Variants in CSMD3 observed in about 807,000 individuals in gnomAD.
CSMD3 encodes the protein CUB and Sushi multiple domains 3.
CSMD3 carries 177 observed loss-of-function variants against 435.2 expected under a neutral mutation model. The observed-to-expected ratio is 0.41, with a 90% CI of 0.36 to 0.46. The LOEUF (loss-of-function observed/expected upper bound fraction) is 0.46. Ranked by LOEUF, CSMD3 falls within the 20% of genes least tolerant of loss-of-function variation. CSMD3 has a pLI of 0.34. For missense variants in CSMD3, 4,265 were observed against 4,504.6 expected (o/e 0.95, Z 1.52); for synonymous variants, 1,656 against 1,520.5 (o/e 1.09, Z -2.07).
chr8:112,896,796 C>A (rs953635907), intron 10 of CSMD3, among the ~76,000 whole-genome samples: 2 of 151,558 alleles, frequency 1.3e-5, no homozygotes, highest in East Asian at 3.9e-4. Flanking sequence ...AAATGCAAAT[C>A]TGAATATATA....
intron 3 of CSMD3, among the ~76,000 whole-genome samples, chr8:113,206,840 C>A (rs538437075): frequency 6.6e-6 from 1 of 152,150 alleles, no homozygotes; most frequent in South Asian, 2.1e-4. Flanking sequence ...CACACCTTTT[C>A]TTTTCACTAA....
intron 3 of CSMD3, among the ~76,000 whole-genome samples, chr8:113,214,531 T>C (rs2092878530): frequency 6.6e-6 from 1 of 151,954 alleles, no homozygotes; most frequent in African/African-American, 2.4e-5. Context: ...TCTTTTGAGT[T>C]ATCTGTCTTC....
intron 13 of CSMD3, among the ~76,000 whole-genome samples, chr8:112,768,273 A>C (rs975622381): frequency 6.6e-6 from 1 of 151,870 alleles, no homozygotes; most frequent in Non-Finnish European, 1.5e-5. Context: ...GCAGGCAACG[A>C]ATGGCACAGA....
At chr8:112,376,006 A>G (rs1379469875) in intron 38 of CSMD3, among the ~76,000 whole-genome samples, 1 of 152,142 alleles carries the variant, frequency 6.6e-6, no homozygotes, top group Non-Finnish European at 1.5e-5. Flanking sequence ...CTGTCTGAAC[A>G]TGAAGTTTCC....
At chr8:113,385,620 A>T (rs2094436139) in intron 1 of CSMD3, among the ~76,000 whole-genome samples, 1 of 152,092 alleles carries the variant, frequency 6.6e-6, no homozygotes, top group Admixed American at 6.6e-5. Context: ...TGTCAAATAT[A>T]AGTCTGCACC....
At chr8:112,574,697 A>G (rs542987562) in intron 23 of CSMD3, among the ~76,000 whole-genome samples, 1 of 152,116 alleles carries the variant, frequency 6.6e-6, no homozygotes, top group East Asian at 1.9e-4. Context: ...TATTTTAGGT[A>G]TCACAATGAT....
chr8:112,927,607 T>C (rs1248791581), intron 9 of CSMD3, among the ~76,000 whole-genome samples: 1 of 152,140 alleles, frequency 6.6e-6, no homozygotes, highest in Non-Finnish European at 1.5e-5. Flanking sequence ...TACTTTACTT[T>C]CAAAATATTT....
At chr8:113,376,789 T>A in intron 1 of CSMD3, 1 of 1,613,862 alleles carries the variant, frequency 6.2e-7, no homozygotes, top group Non-Finnish European at 8.5e-7. Flanking sequence ...AGGAACCAAC[T>A]CCACATTCAA....
At chr8:113,332,795 A>C (rs1417636174) in intron 1 of CSMD3, among the ~76,000 whole-genome samples, 2 of 151,708 alleles carry the variant, frequency 1.3e-5, no homozygotes, top group Non-Finnish European at 3.0e-5. Flanking sequence ...ATTTATATTA[A>C]CATATATGAT....
At chr8:112,301,700 A>T (rs1820938671) in intron 53 of CSMD3, 93 bp downstream of exon 53, 1 of 902,910 alleles carries the variant, frequency 1.1e-6, no homozygotes, top group South Asian at 1.4e-5. Flanking sequence ...GAATGAATAT[A>T]AATTAGTATC....
chr8:112,342,307 T>C (rs192736778), intron 41 of CSMD3, among the ~76,000 whole-genome samples: 131 of 152,202 alleles, frequency 8.6e-4, no homozygotes, highest in Non-Finnish European at 1.2e-3. Flanking sequence ...CTCAATATCT[T>C]TATAAGCATA....
Position 113,426,774 on chromosome 8 carries a change from T to C in CSMD3, c.178+9903A>G, listed in dbSNP as rs147332504. 3.5e-3 allele frequency among the ~76,000 whole-genome samples: 526 copies of C among 151,566 alleles called. 2 individuals are homozygous for C. The highest frequency in any genetic ancestry group is 0.012 in the African/African-American group (509 of 41,524). The stretch of plus-strand genomic sequence containing the variant: ...AACAACAATTGGATGCATTCTAAAA[T>C]GGAAAACCTGGCTGATGGCTGATCA... On this transcript the variant is annotated intron_variant, in intron 1 of 70. Coordinates refer to ENST00000297405, the MANE Select transcript of CSMD3 (RefSeq NM_198123.2).
chr8:112,239,547 C>G (rs926328400), intron 66 of CSMD3, among the ~76,000 whole-genome samples: 1 of 151,894 alleles, frequency 6.6e-6, no homozygotes, highest in African/African-American at 2.4e-5. Flanking sequence ...GTGGAACTTA[C>G]CAGTAGGGCC....
chr8:112,413,813 T>C (rs1291787813), intron 32 of CSMD3, among the ~76,000 whole-genome samples: 2 of 152,238 alleles, frequency 1.3e-5, no homozygotes. Flanking sequence ...CAGGCTCTTC[T>C]GAATCCTCTT....
At chr8:113,039,125 T>C (rs530965254) in intron 5 of CSMD3, among the ~76,000 whole-genome samples, 1 of 152,258 alleles carries the variant, frequency 6.6e-6, no homozygotes, top group South Asian at 2.1e-4. Flanking sequence ...ACAAAATCCA[T>C]GGTATATAAC....
At chr8:112,248,275 G>T (rs1814943820) in intron 63 of CSMD3, among the ~76,000 whole-genome samples, 2 of 152,100 alleles carry the variant, frequency 1.3e-5, no homozygotes. Context: ...TAGGCATGAT[G>T]ACTAAATTGG....
chr8:112,292,975 A>C (rs1819920362), intron 54 of CSMD3, among the ~76,000 whole-genome samples: 1 of 152,158 alleles, frequency 6.6e-6, no homozygotes, highest in South Asian at 2.1e-4. Flanking sequence ...TAGATATTTA[A>C]AGTTTCACGG....
intron 13 of CSMD3, among the ~76,000 whole-genome samples, chr8:112,738,664 T>G (rs2132043511): frequency 6.6e-6 from 1 of 151,814 alleles, no homozygotes; most frequent in Admixed American, 6.6e-5. Context: ...AAAGATGTTG[T>G]AATGCACCTA....
chr8:112,574,679 A>G (rs1289677421), intron 23 of CSMD3, among the ~76,000 whole-genome samples: 1 of 151,952 alleles, frequency 6.6e-6, no homozygotes, highest in Non-Finnish European at 1.5e-5. Context: ...GGTTCTTGGG[A>G]GCAATAATAT....
Sources: allele counts gnomAD v4.1 joint callset (sites outside exome capture counted in the v4.1 genomes callset), GRCh38; gene constraint gnomAD v4.1.1; transcripts MANE v1.5; gene names NCBI Gene and HGNC (gene_info 2026-07-23, HGNC 2026-07-21).